POLR3A: variants seen among roughly 807,000 people sequenced by gnomAD.
POLR3A encodes RNA polymerase III subunit A, also known as DNA-directed RNA polymerase III subunit RPC1.
Under a neutral mutation model 152.8 loss-of-function variants are expected in POLR3A, and 112 were observed. The ratio of observed to expected loss-of-function variants is 0.73; its 90% confidence interval spans 0.63 to 0.86. The LOEUF is 0.86. POLR3A is among the 40% of genes least tolerant of loss of function. The pLI is 0.00. For missense variants in POLR3A, 1,385 were observed against 1,743.1 expected, an observed-to-expected ratio of 0.79 and a Z score of 3.66; for synonymous variants, 615 against 652.1, an observed-to-expected ratio of 0.94 and a Z score of 0.87.
chr10:77,981,571 C>T lies in POLR3A; in HGVS notation c.3760-12G>A. ...AGAGTTTTCTCCACCTACAGAGAGC[C>T]AGTAATGAGCAGAAGCAGCCCCTTC... On this transcript the variant is annotated splice_polypyrimidine_tract_variant and intron_variant, in intron 28 of 30. Coordinates refer to ENST00000372371, the MANE Select transcript of POLR3A (RefSeq NM_007055.4). 1 of 1,613,894 alleles carries T rather than the reference C, an allele frequency of 6.2e-7. No homozygotes were observed. The highest frequency in any genetic ancestry group is 1.1e-5 in the South Asian group (1 of 91,082).
chr10:77,993,147 A>C (rs1847265172), intron 20 of POLR3A, 50 bp downstream of exon 20: 15 of 1,433,558 alleles, frequency 1.0e-5, no homozygotes, highest in Non-Finnish European at 1.5e-5. Flanking sequence ...TCCGTCCTAA[A>C]GAAACATCCT....
chr10:78,027,984 C>T lies in POLR3A; in HGVS notation c.44+1380G>A, dbSNP rs376449973. On this transcript the variant is annotated intron_variant, in intron 1 of 30. Coordinates refer to ENST00000372371, the MANE Select transcript of POLR3A (RefSeq NM_007055.4). ...ACAGGTGGGTGTGAAGGGCCAGTGT[C>T]GATGTAGAGCTACCACATGGGAGAA... Among the ~76,000 whole-genome samples, 12 of 152,262 alleles carry T rather than the reference C, an allele frequency of 7.9e-5. No homozygotes were observed. In the East Asian group the frequency reaches 2.1e-3, roughly 27 times the overall value.
intron 16 of POLR3A, among the ~76,000 whole-genome samples, chr10:78,002,573 T>A (rs1204919432): frequency 6.6e-6 from 1 of 152,152 alleles, no homozygotes; most frequent in African/African-American, 2.4e-5. Context: ...ACTCTGTTGC[T>A]GAGGTTGGTG....
rs755806110 is a variant in POLR3A at position 78,009,930 on chromosome 10, A to G, written c.1704T>C (p.Ile568=). The change falls in exon 13 of 31, where the codon ATT becomes ATC. Residue 568 remains isoleucine, a synonymous_variant. Coordinates refer to ENST00000372371, the MANE Select transcript of POLR3A (RefSeq NM_007055.4). ...CATCCTTGCCAACCAGTATTGAAGC[A>G]ATGATTTGGCAAGCCTTGGCTCGAT... ...FFDRAKACQI[I]ASILVGKDEK... 27 of 1,614,210 alleles carry G rather than the reference A, an allele frequency of 1.7e-5. No individual in the cohort carries two copies. The highest frequency in any genetic ancestry group is 1.9e-5 in the Non-Finnish European group (22 of 1,180,036).
At chr10:78,025,992 T>C (rs1339539596) in intron 2 of POLR3A, 102 bp downstream of exon 2, 43 of 1,430,814 alleles carry the variant, frequency 3.0e-5, no homozygotes, top group Non-Finnish European at 4.2e-5. Flanking sequence ...CAGGGGGGAA[T>C]TGAGGAGATG....
chr10:78,010,867 CAG>C (rs3073899), intron 11 of POLR3A, among the ~76,000 whole-genome samples: 8,207 of 152,214 alleles, frequency 0.054, 722 homozygotes, highest in African/African-American at 0.18. Flanking sequence ...GTTTTTGAGA[CAG>C]AGTCTTGCTT....
chr10:77,981,984 A>G (rs1192169405), intron 28 of POLR3A, among the ~76,000 whole-genome samples, 170 bp downstream of exon 28: 11 of 138,566 alleles, frequency 7.9e-5, no homozygotes, highest in Non-Finnish European at 1.5e-5. Context: ...GCTTGCAGTG[A>G]GCAGAGATCA....
rs1847633416 is a variant in POLR3A at position 78,026,209 on chromosome 10, A to G, written c.65T>C (p.Met22Thr). The G allele has an allele frequency of 6.2e-6, 10 of 1,614,118 alleles. No individual in the cohort carries two copies. The highest frequency in any genetic ancestry group is 8.5e-7 in the Non-Finnish European group (1 of 1,180,054). The part of the protein sequence containing the change: ...AKKISHICFG[M>T]KSPEEMRQQA... ...CTGGCGCATCTCCTCAGGTGACTTC[A>G]TTCCAAAACAGATGTGGCTTCTGGA... is the stretch of plus-strand genomic sequence containing the variant. Residue 22 changes from methionine to threonine, a missense_variant, in exon 2 of 31, where the codon ATG becomes ACG. By Grantham distance (81) the Met-to-Thr change is moderately conservative (BLOSUM62 -1). Coordinates refer to ENST00000372371, the MANE Select transcript of POLR3A (RefSeq NM_007055.4).
At chr10:78,010,646 C>G in intron 11 of POLR3A, 106 bp from the exon 12 acceptor site, 2 of 821,116 alleles carry the variant, frequency 2.4e-6, no homozygotes, top group East Asian at 2.5e-5. Flanking sequence ...TACAGAGTAG[C>G]AGAAGGACGA....
intron 30 of POLR3A, among the ~76,000 whole-genome samples, chr10:77,978,649 C>T (rs1589301279): frequency 6.6e-6 from 1 of 151,472 alleles, no homozygotes; most frequent in African/African-American, 2.4e-5. Context: ...TTTTCTTTTC[C>T]CTTCATGCTA....
In POLR3A at chr10:78,009,853, C is replaced by T. The variant is rs752418560; in HGVS notation, c.1770+11G>A. ...CACACCTGTGCACCAACACACAACT[C>T]CCACACACACCTTTAGGATTGTAGG... On this transcript the variant is annotated intron_variant, in intron 13 of 30. Coordinates refer to ENST00000372371, the MANE Select transcript of POLR3A (RefSeq NM_007055.4). 6.2e-7 allele frequency: 1 copy of T among 1,614,044 alleles called. No individual in the cohort carries two copies. The highest frequency in any genetic ancestry group is 1.1e-5 in the South Asian group (1 of 91,080).
At chr10:78,019,721 A>C in intron 8 of POLR3A, 1 of 203,194 alleles carries the variant, frequency 4.9e-6, no homozygotes, top group East Asian at 1.2e-4. Flanking sequence ...ATTTTGGAGA[A>C]GTTAACTCTT....
At position 78,009,639 on chromosome 10, in the gene POLR3A, C is replaced by T. The variant is rs2131949306; in HGVS notation, c.1807G>A (p.Val603Ile). Residue 603 changes from valine (V) to isoleucine (I), a missense_variant, in exon 14 of 31, where the codon GTC becomes ATC. Around this residue, in one of 7 missense-constraint regions of POLR3A, gnomAD observed 188 missense variants for 179.9 expected, o/e 1.04. Transcript: ENST00000372371. ...TLWTGKQIFS[V>I]ILRPSDDNPV... ...TTGTCATCGCTAGGCCTGAGGATGA[C>T]ACTGAAGATCTGCTTTCCCGTCCAC... 2 of 1,614,172 alleles carry T rather than the reference C, an allele frequency of 1.2e-6. No homozygotes were observed. Among genetic ancestry groups the T allele is most frequent in the Middle Eastern group, 3.3e-4 (2 of 6,062 alleles).
intron 10 of POLR3A, among the ~76,000 whole-genome samples, 168 bp from the exon 11 acceptor site, chr10:78,013,958 C>T (rs1847491820): frequency 6.6e-6 from 1 of 151,974 alleles, no homozygotes; most frequent in African/African-American, 2.4e-5. Flanking sequence ...AGGACTCATT[C>T]CCAGTCTGGC....
rs541910032 is a variant in POLR3A at position 78,020,555 on chromosome 10, A to G, written c.1185+991T>C. 2.0e-3 allele frequency among the ~76,000 whole-genome samples: 297 copies of G among 151,866 alleles called. 1 individual carries two copies. The highest frequency in any genetic ancestry group is 5.8e-3 in the African/African-American group (239 of 41,422). ...TGTAATCCCAGCACTTTGGGAGGCC[A>G]AGGCGGGCGGATCACGAGGTCAGGA... On this transcript the variant is annotated intron_variant, in intron 8 of 30. Coordinates refer to ENST00000372371, the MANE Select transcript of POLR3A (RefSeq NM_007055.4).
chr10:78,003,181 T>C (rs1847373770), intron 16 of POLR3A, among the ~76,000 whole-genome samples: 1 of 152,070 alleles, frequency 6.6e-6, no homozygotes, highest in African/African-American at 2.4e-5. Context: ...CCATGAAAAA[T>C]TGCTGCTGCC....
intron 9 of POLR3A, among the ~76,000 whole-genome samples, chr10:78,018,296 C>T (rs909018217): frequency 8.6e-5 from 13 of 151,626 alleles, no homozygotes; most frequent in East Asian, 2.0e-4. Flanking sequence ...GTCAGGAGTT[C>T]GAAACCAGCC....
chr10:78,017,750 G>A (rs769658597), intron 9 of POLR3A, 34 bp from the exon 10 acceptor site: 34 of 1,612,590 alleles, frequency 2.1e-5, no homozygotes, highest in Non-Finnish European at 2.9e-5. Context: ...ATCTGTGAAA[G>A]CAAAGTTCTC....
At position 77,975,462 on chromosome 10, in the gene POLR3A, G is replaced by A. The variant is rs1847078208; in HGVS notation, c.*2016C>T. The A allele has an allele frequency of 6.6e-6, 1 of 152,220 alleles. No homozygotes were observed. The highest frequency in any genetic ancestry group is 1.5e-5 in the Non-Finnish European group (1 of 68,082). 9.4% of individuals were successfully genotyped at this position (152,220 alleles called of 1,614,324 possible). ...ACGTATGACTTCCCCCCCTACCCAT[G>A]GGTGATGTGATCCTTCACATAACCA... On this transcript the variant is annotated 3_prime_UTR_variant, in exon 31 of 31. Coordinates refer to ENST00000372371, the MANE Select transcript of POLR3A (RefSeq NM_007055.4).
Sources: allele counts gnomAD v4.1 joint callset (sites outside exome capture counted in the v4.1 genomes callset), GRCh38; gene constraint gnomAD v4.1.1; regional missense constraint gnomAD v4.1.1; transcripts MANE v1.5; gene names NCBI Gene and HGNC (gene_info 2026-07-23, HGNC 2026-07-21).